Variants in CDK2AP1 observed in about 807,000 individuals in gnomAD.
The protein encoded by CDK2AP1 is cyclin dependent kinase 2 associated protein 1.
In CDK2AP1, 10 loss-of-function variants were observed where a neutral mutation model predicts 14.1. That is an observed-to-expected ratio of 0.71 (90% CI 0.44 to 1.20). The LOEUF (loss-of-function observed/expected upper bound fraction) is 1.20, where lower values mean the gene tolerates loss of function less well. CDK2AP1 is among the 50% of genes most tolerant of loss of function. The pLI, the probability that CDK2AP1 is intolerant of heterozygous loss-of-function variation, is 0.00. For synonymous variants in CDK2AP1, 59 were observed against 59.8 expected, an observed-to-expected ratio of 0.99 and a Z score of 0.06; for missense variants, 102 against 149.9, an observed-to-expected ratio of 0.68 and a Z score of 1.67.
In CDK2AP1 at chr12:123,261,391, A is replaced by C. The variant is rs759584822; in HGVS notation, c.*345T>G. ...TAGCTTATGAAAAGGAACAAAGAAC[A>C]CCATGGGTAACAAATGTATACAAAA... On this transcript the variant is annotated 3_prime_UTR_variant, in exon 4 of 4. Coordinates refer to ENST00000261692, the MANE Select transcript of CDK2AP1 (RefSeq NM_004642.4). The C allele has an allele frequency of 2.2e-4, 51 of 232,150 alleles. 1 individual carries two copies. Among genetic ancestry groups the C allele is most frequent in the Admixed American group, 3.2e-4 (6 of 18,986 alleles). 14.4% of individuals were successfully genotyped at this position (232,150 alleles called of 1,614,324 possible).
chr12:123,265,461 C>G lies in CDK2AP1; in HGVS notation c.154-139G>C. 1.4e-6 allele frequency: 1 copy of G among 709,098 alleles called. No individual in the cohort carries two copies. The highest frequency in any genetic ancestry group is 2.4e-6 in the Non-Finnish European group (1 of 410,568). 43.9% of individuals were successfully genotyped at this position (709,098 alleles called of 1,614,324 possible). On this transcript the variant is annotated intron_variant, in intron 2 of 3. Coordinates refer to ENST00000261692, the MANE Select transcript of CDK2AP1 (RefSeq NM_004642.4). This position sits in a 1 kb window ranked among gnomAD's most constrained non-coding sequence, Gnocchi z 5.3. ...GAAGTTGCAGTGAGCCAAGATCACT[C>G]CACTGCACTCCAGCCTGGGCAACAG...
At chr12:123,270,141 C>G in intron 1 of CDK2AP1, 2 of 899,266 alleles carry the variant, frequency 2.2e-6, no homozygotes, top group South Asian at 5.1e-5. Flanking sequence ...CTGCCCTCCC[C>G]ACAGGCCAGA....
At chr12:123,262,371 G>C (rs76385444) in intron 3 of CDK2AP1, 6,310 of 152,084 alleles carry the variant, frequency 0.041, 414 homozygotes, top group African/African-American at 0.14. Context: ...TGCCTCTACT[G>C]AACTTCATGA....
At position 123,265,825 on chromosome 12, in the gene CDK2AP1, A is replaced by T. The variant is rs763206020; in HGVS notation, c.154-503T>A. Among the ~76,000 whole-genome samples the T allele has an allele frequency of 7.7e-4, 117 of 152,178 alleles. No homozygotes were observed. Among genetic ancestry groups the T allele is most frequent in the Non-Finnish European group, 1.2e-3 (82 of 68,022 alleles). ...CCAAACAGCATTTCCCAGGATGCAG[A>T]TGGATGGGAGGGCACATCCCAGGTG... On this transcript the variant is annotated intron_variant, in intron 2 of 3. Transcript: ENST00000261692. This position sits in a 1 kb window ranked among gnomAD's most constrained non-coding sequence, Gnocchi z 5.3.
chr12:123,269,882 C>G, intron 1 of CDK2AP1, among the ~76,000 whole-genome samples: 1 of 152,046 alleles, frequency 6.6e-6, no homozygotes. Context: ...TGCAAAGGGG[C>G]CCGTGGGGGG....
Position 123,265,388 on chromosome 12 carries a change from A to G in CDK2AP1, c.154-66T>C. Reference sequence around the variant, plus strand: ...CGTGGTGGTGCGTGCCTGTAGTCCCAGTTACTCAGGAGGCTGAGGCAGGAG... The same window carrying G: ...CGTGGTGGTGCGTGCCTGTAGTCCCGGTTACTCAGGAGGCTGAGGCAGGAG... On this transcript the variant is annotated intron_variant, in intron 2 of 3. Transcript: ENST00000261692. This position sits in a 1 kb window ranked among gnomAD's most constrained non-coding sequence, Gnocchi z 5.3. The G allele has an allele frequency of 6.5e-7, 1 of 1,537,990 alleles. No individual in the cohort carries two copies. Among genetic ancestry groups the G allele is most frequent in the South Asian group, 1.1e-5 (1 of 88,928 alleles).
At chr12:123,263,928 C>T (rs919632582) in intron 3 of CDK2AP1, among the ~76,000 whole-genome samples, 2 of 151,352 alleles carry the variant, frequency 1.3e-5, no homozygotes, top group African/African-American at 4.9e-5. Flanking sequence ...ACCAACATGG[C>T]GAAACCTGGT....
intron 2 of CDK2AP1, among the ~76,000 whole-genome samples, chr12:123,266,376 G>A (rs2048293773): frequency 6.6e-6 from 1 of 152,270 alleles, no homozygotes; most frequent in African/African-American, 2.4e-5. Context: ...CCCGCTCACA[G>A]GCCCACACCT....
intron 2 of CDK2AP1, among the ~76,000 whole-genome samples, 189 bp downstream of exon 2, chr12:123,266,996 C>A (rs998988003): frequency 2.0e-5 from 3 of 152,190 alleles, no homozygotes; most frequent in Non-Finnish European, 4.4e-5. Context: ...CACGTCCCCG[C>A]GAAGCACAGT....
chr12:123,261,758 G>A lies in CDK2AP1; in HGVS notation c.326C>T (p.Thr109Met), dbSNP rs1390162655. ...CAGCTAGGATCTGGCATTCCGTTCC[G>A]TTTCTGCCAAGCACTCCCGAACCAG... is the stretch of plus-strand genomic sequence containing the variant. ...RGLVRECLAETERNARS is the reference protein window; with the variant it reads ...RGLVRECLAEMERNARS Residue 109 changes from threonine to methionine, a missense_variant, in exon 4 of 4, where the codon ACG becomes ATG. Coordinates refer to ENST00000261692, the MANE Select transcript of CDK2AP1 (RefSeq NM_004642.4). The A allele has an allele frequency of 1.8e-5, 29 of 1,613,738 alleles. No homozygotes were observed. Among genetic ancestry groups the A allele is most frequent in the East Asian group, 2.2e-5 (1 of 44,898 alleles).
chr12:123,270,995 C>G, intron 1 of CDK2AP1: 1 of 983,356 alleles, frequency 1.0e-6, no homozygotes, highest in South Asian at 4.6e-5. Flanking sequence ...CATCCTGGTC[C>G]CAGTCCCGGC....
chr12:123,270,205 C>T (rs1165349887), intron 1 of CDK2AP1: 1 of 984,650 alleles, frequency 1.0e-6, no homozygotes, highest in Non-Finnish European at 1.2e-6. Context: ...TTTGTAAGGT[C>T]TGCGGACCCC....
intron 3 of CDK2AP1, among the ~76,000 whole-genome samples, chr12:123,263,516 C>T (rs2048255382): frequency 6.6e-6 from 1 of 152,188 alleles, no homozygotes; most frequent in Non-Finnish European, 1.5e-5. Context: ...CCAGGAATTT[C>T]CATTCAGGTA....
chr12:123,265,410 G>A lies in CDK2AP1; in HGVS notation c.154-88C>T. The A allele has an allele frequency of 7.5e-7, 1 of 1,337,332 alleles. No individual in the cohort carries two copies. The highest frequency in any genetic ancestry group is 1.4e-5 in the African/African-American group (1 of 69,316). The allele number at this position is 1,337,332 out of a possible 1,614,324, so 82.8% of individuals were successfully genotyped here. A position where few individuals can be genotyped will look rare whatever the true frequency, so the allele number is the denominator to read the frequency against. ...CCCAGTTACTCAGGAGGCTGAGGCA[G>A]GAGAACTGCTTGGACCCAGGAGGTG... On this transcript the variant is annotated intron_variant, in intron 2 of 3. Transcript: ENST00000261692. The surrounding 1 kb of genome is among the most constrained non-coding windows in gnomAD (Gnocchi z 5.3).
chr12:123,271,006 G>A, intron 1 of CDK2AP1: 1 of 980,206 alleles, frequency 1.0e-6, no homozygotes, highest in South Asian at 4.6e-5. Context: ...CAGTCCCGGC[G>A]GCCCCGCGAC....
At chr12:123,270,711 G>C (rs990757315) in intron 1 of CDK2AP1, among the ~76,000 whole-genome samples, 10 of 152,024 alleles carry the variant, frequency 6.6e-5, no homozygotes, top group African/African-American at 2.2e-4. Flanking sequence ...GCCCGGCTGC[G>C]GCCGCAGCCC....
At chr12:123,267,001 C>G (rs1476470124) in intron 2 of CDK2AP1, among the ~76,000 whole-genome samples, 184 bp downstream of exon 2, 1 of 152,240 alleles carries the variant, frequency 6.6e-6, no homozygotes, top group East Asian at 1.9e-4. Flanking sequence ...CCCCGCGAAG[C>G]ACAGTCCCCA....
intron 1 of CDK2AP1, chr12:123,271,176 CG>C: frequency 4.3e-6 from 1 of 234,280 alleles, no homozygotes; most frequent in East Asian, 1.9e-4. Context: ...GCCCCGCTCC[CG>C]GCGCGGCCCG....
upstream of CDK2AP1, chr12:123,271,884 CG>C (rs1314743221): frequency 6.8e-6 from 1 of 146,348 alleles, no homozygotes; most frequent in East Asian, 2.0e-4. Flanking sequence ...CGGCCGGGGC[CG>C]GGAGGGGGCG....
Sources: allele counts gnomAD v4.1 joint callset (sites outside exome capture counted in the v4.1 genomes callset), GRCh38; gene constraint gnomAD v4.1.1; non-coding constraint Gnocchi (gnomAD v3.1); transcripts MANE v1.5; gene names NCBI Gene and HGNC (gene_info 2026-07-23, HGNC 2026-07-21).